KAT7: variants seen among roughly 807,000 people sequenced by gnomAD.
KAT7 encodes the protein histone acetyltransferase KAT7.
A neutral mutation model predicts 82.1 loss-of-function variants in KAT7; 10 were observed. The observed-to-expected ratio is 0.12, with a 90% CI of 0.08 to 0.21. KAT7 has a LOEUF of 0.21. Ranked by LOEUF, KAT7 falls within the 10% of genes least tolerant of loss-of-function variation. The pLI, the probability that KAT7 is intolerant of heterozygous loss-of-function variation, is 1.00. For missense variants in KAT7, 378 were observed against 760.9 expected, an observed-to-expected ratio of 0.50 and a Z score of 5.92; for synonymous variants, 250 against 262.5, an observed-to-expected ratio of 0.95 and a Z score of 0.46.
rs2074433353 is a variant in KAT7, at chr17:49,832,602, A to C, written c.*5100A>C. On this transcript the variant is annotated 3_prime_UTR_variant, in exon 15 of 15. Coordinates refer to ENST00000259021, the MANE Select transcript of KAT7 (RefSeq NM_007067.5). ...AAAAAGCCCCAGTGAGACAGCAGGA[A>C]TCCTTTTACCATACAACCCTCAACT... The C allele has an allele frequency of 6.6e-6, 1 of 152,200 alleles. No individual in the cohort carries two copies. The highest frequency in any genetic ancestry group is 1.5e-5 in the Non-Finnish European group (1 of 68,038). 9.4% of individuals were successfully genotyped at this position (152,200 alleles called of 1,614,324 possible). A position where few individuals can be genotyped will look rare whatever the true frequency, so the allele number is the denominator to read the frequency against.
intron 10 of KAT7, 45 bp downstream of exon 10, chr17:49,821,471 C>A: frequency 6.4e-7 from 1 of 1,561,906 alleles, no homozygotes; most frequent in South Asian, 1.1e-5. Flanking sequence ...GTTGTATATT[C>A]ACAGGTTTCA....
chr17:49,812,337 G>T (rs866863045), intron 7 of KAT7, among the ~76,000 whole-genome samples: 1 of 139,558 alleles, frequency 7.2e-6, no homozygotes, highest in Non-Finnish European at 1.5e-5. Flanking sequence ...TAATTCTCCC[G>T]CCTCAGCCTC....
rs146556865 is a variant in KAT7 at position 49,823,503 on chromosome 17, A to C, written c.1480+208A>C. ...TGAAGGAGTACAGGACTCCTCCTTA[A>C]TGAGTAGGAGGTACAGAGGATGATA... On this transcript the variant is annotated intron_variant, in intron 12 of 14. Coordinates refer to ENST00000259021, the MANE Select transcript of KAT7 (RefSeq NM_007067.5). 416 of 497,988 alleles carry C rather than the reference A, an allele frequency of 8.4e-4. 1 individual carries two copies. The East Asian group carries it at 0.01, about 12-fold the overall frequency. The allele number at this position is 497,988 out of a possible 1,614,324, so 30.8% of individuals were successfully genotyped here. A position where few individuals can be genotyped will look rare whatever the true frequency, so the allele number is the denominator to read the frequency against.
Position 49,811,483 on chromosome 17 carries a change from C to A in KAT7, c.761C>A (p.Thr254Lys). 1 of 1,501,474 alleles carries A rather than the reference C, an allele frequency of 6.7e-7. No homozygotes were observed. The highest frequency in any genetic ancestry group is 9.0e-7 in the Non-Finnish European group (1 of 1,109,190). 93.0% of individuals were successfully genotyped at this position (1,501,474 alleles called of 1,614,324 possible). ...TCTCCTTTTTCCTTTTAGGCACCAA[C>A]GGAGAGACAGCTTCGATATAAGGAA... is the stretch of plus-strand genomic sequence containing the variant. ...NRHATRHQAP[T>K]ERQLRYKEKV... is the part of the protein sequence containing the mutation. Residue 254 changes from threonine (T) to lysine (K), a missense_variant, in exon 7 of 15, where the codon ACG becomes AAG. By Grantham distance (78) the Thr-to-Lys change is moderately conservative. Around this residue, in one of 6 missense-constraint regions of KAT7, gnomAD observed 102 missense variants for 129.8 expected, o/e 0.79. Transcript: ENST00000259021.
intron 7 of KAT7, among the ~76,000 whole-genome samples, chr17:49,812,650 C>T (rs1436147262): frequency 3.9e-5 from 6 of 151,990 alleles, no homozygotes; most frequent in Non-Finnish European, 8.8e-5. Context: ...AGATACAAAC[C>T]ACTGCTTAAC....
At chr17:49,791,843 A>T (rs748325177) in intron 1 of KAT7, 43 bp from the exon 2 acceptor site, 2 of 1,593,600 alleles carry the variant, frequency 1.3e-6, no homozygotes, top group African/African-American at 2.7e-5. Flanking sequence ...AAACTCTCAG[A>T]CCAAATGCTT....
intron 4 of KAT7, among the ~76,000 whole-genome samples, chr17:49,803,306 C>G (rs1194796213): frequency 6.6e-6 from 1 of 151,568 alleles, no homozygotes; most frequent in Non-Finnish European, 1.5e-5. Context: ...GAGATGGAGT[C>G]TCACCATGTT....
intron 3 of KAT7, 50 bp from the exon 4 acceptor site, chr17:49,798,269 C>A: frequency 6.3e-7 from 1 of 1,579,588 alleles, no homozygotes; most frequent in Non-Finnish European, 8.7e-7. Flanking sequence ...TAGTAAACTT[C>A]TAAATAAATG....
At chr17:49,796,051 AT>A (rs34699326) in intron 2 of KAT7, among the ~76,000 whole-genome samples, 134,112 of 152,164 alleles carry the variant, frequency 0.88, 59,222 homozygotes, top group South Asian at 0.94. Flanking sequence ...TCAGCTTTGA[AT>A]TTTCCTTCAT....
intron 4 of KAT7, among the ~76,000 whole-genome samples, chr17:49,804,447 T>C (rs2074066069): frequency 6.6e-6 from 1 of 152,214 alleles, no homozygotes; most frequent in African/African-American, 2.4e-5. Flanking sequence ...TTTCGTGTTT[T>C]GTTATTCCTA....
At chr17:49,791,345 TACTAATACAGTAAGAATTAATTC>T (rs1329897558) in intron 1 of KAT7, among the ~76,000 whole-genome samples, 2 of 152,178 alleles carry the variant, frequency 1.3e-5, no homozygotes, top group Non-Finnish European at 2.9e-5. Context: ...TAATACTTAG[TACTAATACAGTAAGAATTAATTC>T]TCTTCATGGC....
At chr17:49,821,618 C>T in intron 10 of KAT7, 32 bp from the exon 11 acceptor site, 1 of 1,611,458 alleles carries the variant, frequency 6.2e-7, no homozygotes, top group Non-Finnish European at 8.5e-7. Flanking sequence ...GAATCAGTGG[C>T]CCACACATGA....
Position 49,798,653 on chromosome 17 carries a change from C to A in KAT7, c.580+95C>A, listed in dbSNP as rs2073985904. ...TTTGTGTTCTGTTGGGATTTAGCTT[C>A]TTAGGCTCTTCAGTGGTCATGTGCT... On this transcript the variant is annotated intron_variant, in intron 4 of 14. Coordinates refer to ENST00000259021, the MANE Select transcript of KAT7 (RefSeq NM_007067.5). 5 of 1,330,948 alleles carry A rather than the reference C, an allele frequency of 3.8e-6. No homozygotes were observed. The South Asian group carries it at 7.2e-5, about 19-fold the overall frequency. 82.4% of individuals were successfully genotyped at this position (1,330,948 alleles called of 1,614,324 possible).
At chr17:49,823,386 G>T in intron 12 of KAT7, 91 bp downstream of exon 12, 2 of 740,930 alleles carry the variant, frequency 2.7e-6, no homozygotes, top group South Asian at 3.0e-5. Context: ...GCAATTCCTG[G>T]AATATAGTGA....
chr17:49,827,893 A>C lies in KAT7; in HGVS notation c.*391A>C. ...CCACCTGGTCACCAGACCTCCAAATATGGCTGCCACCACCAGGACCTTTCC... is the reference window on the plus strand; with the variant it reads ...CCACCTGGTCACCAGACCTCCAAATCTGGCTGCCACCACCAGGACCTTTCC... On this transcript the variant is annotated 3_prime_UTR_variant, in exon 15 of 15. Transcript: ENST00000259021. The C allele has an allele frequency of 1.7e-5, 3 of 173,130 alleles. No individual in the cohort carries two copies. Among genetic ancestry groups the C allele is most frequent in the Non-Finnish European group, 1.2e-5 (1 of 82,142 alleles). 10.7% of individuals were successfully genotyped at this position (173,130 alleles called of 1,614,324 possible).
chr17:49,814,418 A>G (rs930487152), intron 7 of KAT7, among the ~76,000 whole-genome samples: 1 of 152,202 alleles, frequency 6.6e-6, no homozygotes, highest in African/African-American at 2.4e-5. Context: ...TTAGAAGGGT[A>G]ATAAGACAAT....
At chr17:49,816,932 C>T (rs2074242168) in intron 8 of KAT7, among the ~76,000 whole-genome samples, 1 of 152,116 alleles carries the variant, frequency 6.6e-6, no homozygotes, top group Admixed American at 6.5e-5. Context: ...CCACGTCAGC[C>T]TCCTGAGTAG....
chr17:49,809,268 T>G, intron 6 of KAT7, 60 bp downstream of exon 6: 1 of 1,187,530 alleles, frequency 8.4e-7, no homozygotes, highest in Non-Finnish European at 1.3e-6. Flanking sequence ...TTGGATCTCC[T>G]CTATAATTGT....
intron 4 of KAT7, among the ~76,000 whole-genome samples, chr17:49,804,320 A>G (rs1167889414): frequency 6.6e-6 from 1 of 151,774 alleles, no homozygotes; most frequent in African/African-American, 2.4e-5. Context: ...CGGAACTTGC[A>G]GTGAGCCGAG....
Sources: allele counts gnomAD v4.1 joint callset (sites outside exome capture counted in the v4.1 genomes callset), GRCh38; gene constraint gnomAD v4.1.1; regional missense constraint gnomAD v4.1.1; transcripts MANE v1.5; gene names NCBI Gene and HGNC (gene_info 2026-07-23, HGNC 2026-07-21).